Variants in TEX26 observed in about 807,000 individuals in gnomAD.
TEX26 encodes testis-expressed protein 26.
Under a neutral mutation model 35.3 loss-of-function variants are expected in TEX26, and 34 were observed. The observed-to-expected ratio is 0.96, with a 90% CI of 0.73 to 1.28. The LOEUF is 1.28. TEX26 is among the 50% of genes most tolerant of loss of function. The probability of loss-of-function intolerance (pLI) is 0.00; values close to 1 mark genes in which losing one functional copy is unlikely to be tolerated. For synonymous variants in TEX26, 136 were observed against 111.8 expected (o/e 1.22, Z -1.36); for missense variants, 371 against 330.1 (o/e 1.12, Z -0.96).
intron 1 of TEX26, among the ~76,000 whole-genome samples, chr13:30,936,289 G>T (rs747838708): frequency 3.3e-5 from 5 of 152,136 alleles, no homozygotes; most frequent in African/African-American, 4.8e-5. Flanking sequence ...ACATCCAGTG[G>T]ATTGTCAAGG....
intron 2 of TEX26, among the ~76,000 whole-genome samples, chr13:30,944,419 GA>G (rs1463438128): frequency 6.6e-6 from 1 of 151,048 alleles, no homozygotes; most frequent in Non-Finnish European, 1.5e-5. Context: ...TTGTTTCATT[GA>G]TTTTTTTTTG....
In TEX26 at chr13:30,939,779, G is replaced by A. The variant is rs775663880; in HGVS notation, c.146+1G>A. On this transcript the variant is annotated splice_donor_variant, in intron 2 of 6. Coordinates refer to ENST00000380473, the MANE Select transcript of TEX26 (RefSeq NM_152325.3). LOFTEE classifies it high-confidence loss of function. ...CAGGAGCAGTGCCTGCCTTAATTCG[G>A]TAGATCATTATTTGTGTTGGATTGA... 7 of 1,612,556 alleles carry A rather than the reference G, an allele frequency of 4.3e-6. No individual in the cohort carries two copies. Among genetic ancestry groups the A allele is most frequent in the African/African-American group, 2.7e-5 (2 of 74,846 alleles).
At chr13:30,965,638 G>A (rs1954500244) in intron 4 of TEX26, among the ~76,000 whole-genome samples, 1 of 152,230 alleles carries the variant, frequency 6.6e-6, no homozygotes, top group Non-Finnish European at 1.5e-5. Context: ...GAATGAATAT[G>A]TTTTAGCAGA....
intron 1 of TEX26, chr13:30,933,015 TA>T (rs2138142925): frequency 2.2e-6 from 1 of 448,248 alleles, no homozygotes; most frequent in African/African-American, 1.9e-5. Context: ...GCAGGGTTTT[TA>T]AACACTCGAG....
chr13:30,945,961 C>T (rs1023045894), intron 2 of TEX26, among the ~76,000 whole-genome samples: 1 of 151,838 alleles, frequency 6.6e-6, no homozygotes, highest in African/African-American at 2.4e-5. Context: ...ATGAATCTCC[C>T]AGGAGTTCTT....
chr13:30,960,299 G>A (rs140628917), intron 4 of TEX26, among the ~76,000 whole-genome samples: 1 of 152,152 alleles, frequency 6.6e-6, no homozygotes, highest in Non-Finnish European at 1.5e-5. Flanking sequence ...CTGGAGTGCA[G>A]TTGTGTGATC....
At position 30,935,426 on chromosome 13, in the gene TEX26, C is replaced by T. The variant is rs111725315; in HGVS notation, c.61+2650C>T. Among the ~76,000 whole-genome samples, 711 of 152,348 alleles carry T rather than the reference C, an allele frequency of 4.7e-3. 5 individuals are homozygous for T. Among genetic ancestry groups the T allele is most frequent in the African/African-American group, 0.016 (666 of 41,590 alleles). The stretch of plus-strand genomic sequence containing the variant: ...GGACCAATCAGCATGCACTTCCTTC[C>T]CTCTGAAGTCCATAAAAACCCTGGG... On this transcript the variant is annotated intron_variant, in intron 1 of 6. Transcript: ENST00000380473.
intron 1 of TEX26, chr13:30,933,146 C>A (rs1291161937): frequency 5.7e-6 from 1 of 176,720 alleles, no homozygotes; most frequent in Non-Finnish European, 1.2e-5. Flanking sequence ...ACAGGTCCTG[C>A]CTGAGTCCCG....
chr13:30,952,148 A>G (rs908757200), intron 2 of TEX26, among the ~76,000 whole-genome samples: 1 of 151,342 alleles, frequency 6.6e-6, no homozygotes, highest in Non-Finnish European at 1.5e-5. Flanking sequence ...TGGCAAAGAT[A>G]TTTAATAAGT....
Position 30,932,787 on chromosome 13 carries a change from A to G in TEX26, c.61+11A>G. On this transcript the variant is annotated intron_variant, in intron 1 of 6. Coordinates refer to ENST00000380473, the MANE Select transcript of TEX26 (RefSeq NM_152325.3). ...ACAACCTCCAGCCAAGTAAGACAGC[A>G]GACTCTGCCGGTCTGCGGGGCGGGG... The G allele has an allele frequency of 6.2e-7, 1 of 1,613,652 alleles. No homozygotes were observed. Among genetic ancestry groups the G allele is most frequent in the East Asian group, 2.2e-5 (1 of 44,870 alleles).
chr13:30,932,746 C>T lies in TEX26; in HGVS notation c.31C>T (p.Pro11Ser). 3 of 1,613,888 alleles carry T rather than the reference C, an allele frequency of 1.9e-6. No individual in the cohort carries two copies. The highest frequency in any genetic ancestry group is 1.6e-4 in the Middle Eastern group (1 of 6,062). MEQPGPRAPD[P>S]SLCHHNLQPT... is the part of the protein sequence containing the mutation. ...ACAGCCTGGGCCCAGGGCTCCGGAT[C>T]CCTCTCTCTGCCACCACAACCTCCA... The change falls in exon 1 of 7, where the codon CCC becomes TCC. Residue 11 changes from proline to serine, a missense_variant. Transcript: ENST00000380473.
chr13:30,954,956 C>T (rs894905319), intron 3 of TEX26, among the ~76,000 whole-genome samples: 10 of 152,180 alleles, frequency 6.6e-5, no homozygotes, highest in African/African-American at 2.4e-4. Context: ...TGAGTGTTCA[C>T]ATGCCAGATG....
intron 4 of TEX26, among the ~76,000 whole-genome samples, chr13:30,963,315 C>T (rs1593596799): frequency 6.6e-6 from 1 of 152,268 alleles, no homozygotes; most frequent in Middle Eastern, 3.4e-3. Flanking sequence ...GGGGAGGCGT[C>T]ATTGGGTCAG....
At chr13:30,938,322 CTGT>C (rs1953349088) in intron 1 of TEX26, among the ~76,000 whole-genome samples, 3 of 152,140 alleles carry the variant, frequency 2.0e-5, no homozygotes, top group Admixed American at 6.5e-5. Flanking sequence ...AGTCCATTTT[CTGT>C]TGTTGTTGTA....
chr13:30,939,984 C>T (rs1427147738), intron 2 of TEX26, among the ~76,000 whole-genome samples: 2 of 152,024 alleles, frequency 1.3e-5, no homozygotes, highest in Non-Finnish European at 2.9e-5. Flanking sequence ...ATAGGGAAAC[C>T]GAGAAAATGG....
At position 30,932,731 on chromosome 13, in the gene TEX26, C is replaced by A. The variant is rs754014952; in HGVS notation, c.16C>A (p.Pro6Thr). ...CTGGGGCAGAATGGAACAGCCTGGG[C>A]CCAGGGCTCCGGATCCCTCTCTCTG... Reference protein sequence around the residue: MEQPGPRAPDPSLCHH... With the variant: MEQPGTRAPDPSLCHH... The change falls in exon 1 of 7, where the codon CCC becomes ACC. Residue 6 changes from proline (P) to threonine (T), a missense_variant. By Grantham distance (38) the Pro-to-Thr change is conservative. Coordinates refer to ENST00000380473, the MANE Select transcript of TEX26 (RefSeq NM_152325.3). 1.8e-5 allele frequency: 29 copies of A among 1,613,574 alleles called. 1 individual carries two copies. The highest frequency in any genetic ancestry group is 2.7e-5 in the African/African-American group (2 of 74,936).
chr13:30,932,785 G>A lies in TEX26; in HGVS notation c.61+9G>A, dbSNP rs373261824. On this transcript the variant is annotated intron_variant, in intron 1 of 6. Transcript: ENST00000380473. ...CCACAACCTCCAGCCAAGTAAGACAGCAGACTCTGCCGGTCTGCGGGGCGG... is the reference window on the plus strand; with the variant it reads ...CCACAACCTCCAGCCAAGTAAGACAACAGACTCTGCCGGTCTGCGGGGCGG... 63 of 1,613,670 alleles carry A rather than the reference G, an allele frequency of 3.9e-5. No homozygotes were observed. In the African/African-American group the frequency reaches 8.1e-4, roughly 21 times the overall value.
At position 30,956,914 on chromosome 13, in the gene TEX26, G is replaced by A. The variant is rs772831884; in HGVS notation, c.354G>A (p.Gly118=). Residue 118 remains glycine, a synonymous_variant, in exon 4 of 7, where the codon GGG becomes GGA. Transcript: ENST00000380473. ...CACTACCTCACTGTCAACAAACGGGGACACTAAAGAACTGCCTCCCTTGGA... is the reference window on the plus strand; with the variant it reads ...CACTACCTCACTGTCAACAAACGGGAACACTAAAGAACTGCCTCCCTTGGA... ...LWTLPHCQQT[G]TLKNCLPWKI... 46 of 1,614,066 alleles carry A rather than the reference G, an allele frequency of 2.8e-5. No individual in the cohort carries two copies. The highest frequency in any genetic ancestry group is 1.2e-4 in the Admixed American group (7 of 59,996).
At chr13:30,944,812 G>A (rs1320175132) in intron 2 of TEX26, among the ~76,000 whole-genome samples, 2 of 151,900 alleles carry the variant, frequency 1.3e-5, no homozygotes, top group Non-Finnish European at 2.9e-5. Context: ...GAAGATACCT[G>A]ACATGACTTT....
Sources: allele counts gnomAD v4.1 joint callset (sites outside exome capture counted in the v4.1 genomes callset), GRCh38; gene constraint gnomAD v4.1.1; transcripts MANE v1.5; gene names NCBI Gene and HGNC (gene_info 2026-07-23, HGNC 2026-07-21).